The following TOM1L2 variants were observed in gnomAD, a reference collection of about 807,000 sequenced individuals.
TOM1L2 encodes TOM1-like protein 2.
In TOM1L2, 31 loss-of-function variants were observed where a neutral mutation model predicts 67.9. The observed-to-expected ratio is 0.46, with a 90% CI of 0.34 to 0.62. The LOEUF is 0.62. Ranked by LOEUF, TOM1L2 falls within the 20% of genes least tolerant of loss-of-function variation. TOM1L2 has a pLI of 0.01. For missense variants in TOM1L2, 606 were observed against 663.5 expected, an observed-to-expected ratio of 0.91 and a Z score of 0.95; for synonymous variants, 256 against 254.0, an observed-to-expected ratio of 1.01 and a Z score of -0.07.
chr17:17,912,209 C>T (rs2039393767), intron 1 of TOM1L2, among the ~76,000 whole-genome samples: 1 of 151,662 alleles, frequency 6.6e-6, no homozygotes, highest in South Asian at 2.1e-4. Context: ...CAGAGGGGCT[C>T]CTCACTTCCC....
intron 1 of TOM1L2, among the ~76,000 whole-genome samples, chr17:17,932,048 TACA>T (rs2040357798): frequency 6.6e-6 from 1 of 152,210 alleles, no homozygotes; most frequent in Admixed American, 6.5e-5. Context: ...GCTAATTTGG[TACA>T]ACATGAATAT....
intron 1 of TOM1L2, among the ~76,000 whole-genome samples, chr17:17,927,866 T>C (rs1012746672): frequency 6.6e-6 from 1 of 152,116 alleles, no homozygotes; most frequent in South Asian, 2.1e-4. Flanking sequence ...GGTTTCACTA[T>C]GTTACCCAGG....
intron 1 of TOM1L2, among the ~76,000 whole-genome samples, chr17:17,917,798 T>C (rs1048561067): frequency 2.6e-5 from 4 of 151,934 alleles, no homozygotes; most frequent in Non-Finnish European, 5.9e-5. Flanking sequence ...CTACAAAAAA[T>C]TTAAAAATTA....
In TOM1L2 at chr17:17,882,696, T is replaced by C. The variant is rs1445580957; in HGVS notation, c.660+9A>G. ...CTGGCTTGCCTATGGCCCCGAAGTATGCAAGTACCTGTTCTGAATTGGCTG... is the reference window on the plus strand; with the variant it reads ...CTGGCTTGCCTATGGCCCCGAAGTACGCAAGTACCTGTTCTGAATTGGCTG... On this transcript the variant is annotated intron_variant, in intron 6 of 14. Coordinates refer to ENST00000379504, the MANE Select transcript of TOM1L2 (RefSeq NM_001082968.2). The C allele has an allele frequency of 2.4e-5, 39 of 1,613,202 alleles. No homozygotes were observed. Among genetic ancestry groups the C allele is most frequent in the Non-Finnish European group, 3.1e-5 (36 of 1,179,354 alleles).
intron 14 of TOM1L2, 69 bp from the exon 15 acceptor site, chr17:17,847,852 A>G: frequency 6.2e-7 from 1 of 1,601,712 alleles, no homozygotes; most frequent in South Asian, 1.1e-5. Context: ...GCACCCTTCC[A>G]CTCCCCAGCC....
intron 1 of TOM1L2, among the ~76,000 whole-genome samples, chr17:17,959,295 G>A (rs2041593832): frequency 6.6e-6 from 1 of 152,114 alleles, no homozygotes; most frequent in South Asian, 2.1e-4. Context: ...CCAGCTCCAG[G>A]TAGTTAGTGT....
intron 1 of TOM1L2, among the ~76,000 whole-genome samples, chr17:17,950,331 G>T (rs1200260095): frequency 1.3e-5 from 2 of 151,732 alleles, no homozygotes; most frequent in African/African-American, 4.8e-5. Flanking sequence ...TCCTTTTTTT[G>T]AATTTTTAGT....
intron 7 of TOM1L2, among the ~76,000 whole-genome samples, chr17:17,870,974 C>T (rs1199612882): frequency 1.3e-5 from 2 of 152,238 alleles, no homozygotes; most frequent in African/African-American, 2.4e-5. Flanking sequence ...CCCGTCTAGA[C>T]TGAAGCTCCT....
chr17:17,963,770 T>C (rs1436677358), intron 1 of TOM1L2, among the ~76,000 whole-genome samples: 2 of 152,224 alleles, frequency 1.3e-5, no homozygotes, highest in African/African-American at 4.8e-5. Flanking sequence ...CCTCCAGCCT[T>C]ATTCAGAAGG....
rs770625527 is a variant in TOM1L2 at position 17,884,642 on chromosome 17, G to A, written c.493C>T (p.Pro165Ser). The A allele has an allele frequency of 3.1e-6, 5 of 1,613,988 alleles. No individual in the cohort carries two copies. The South Asian group carries it at 4.4e-5, about 14-fold the overall frequency. ...DLDALSPIHT[P>S]QRSVPEVDPA... is the part of the protein sequence containing the mutation. ...GCCAGCTGGAAGCTTACCCGCTGTG[G>A]TGTGTGTATGGGAGACAGAGCGTCC... The change falls in exon 5 of 15, where the codon CCA (proline) becomes TCA (serine). Residue 165 changes from proline to serine, a missense_variant. By Grantham distance (74) the Pro-to-Ser change is moderately conservative. Transcript: ENST00000379504.
intron 1 of TOM1L2, among the ~76,000 whole-genome samples, chr17:17,955,877 G>A (rs1429498387): frequency 6.6e-6 from 1 of 152,142 alleles, no homozygotes; most frequent in Non-Finnish European, 1.5e-5. Flanking sequence ...GAGTGAAGCT[G>A]CAGACCTTCG....
chr17:17,925,682 CAAAAAAAAA>C (rs1193121320), intron 1 of TOM1L2, among the ~76,000 whole-genome samples: 41 of 79,738 alleles, frequency 5.1e-4, no homozygotes, highest in African/African-American at 2.0e-4. Context: ...TCGTGTCTAC[CAAAAAAAAA>C]AAAAAAAAAA....
chr17:17,917,576 T>A (rs924615067), intron 1 of TOM1L2, among the ~76,000 whole-genome samples: 1 of 148,770 alleles, frequency 6.7e-6, no homozygotes, highest in South Asian at 2.2e-4. Flanking sequence ...TGGGAATACA[T>A]GTGCATGCCA....
At chr17:17,861,572 C>T (rs1278607470) in intron 11 of TOM1L2, 21 bp from the exon 12 acceptor site, 4 of 1,612,590 alleles carry the variant, frequency 2.5e-6, no homozygotes, top group Non-Finnish European at 3.4e-6. Context: ...AGAAGCAGCA[C>T]AAGCAGAGTT....
At chr17:17,859,305 C>A (rs1047487597) in intron 12 of TOM1L2, 3 of 146,492 alleles carry the variant, frequency 2.0e-5, no homozygotes, top group African/African-American at 7.6e-5. Context: ...GAACTTCCGA[C>A]CTCACGTGAT....
chr17:17,878,665 T>TCAG (rs964512520), intron 7 of TOM1L2, among the ~76,000 whole-genome samples: 2 of 152,162 alleles, frequency 1.3e-5, no homozygotes, highest in African/African-American at 4.8e-5. Flanking sequence ...AATGGCAGTA[T>TCAG]CAGCAGCAGC....
At chr17:17,869,203 T>C (rs1477767561) in intron 8 of TOM1L2, 137 bp downstream of exon 8, 7 of 1,484,610 alleles carry the variant, frequency 4.7e-6, no homozygotes, top group East Asian at 2.4e-5. Context: ...GGGAACAAAT[T>C]AGCATCTCTG....
chr17:17,875,243 G>A (rs772974977), intron 7 of TOM1L2, among the ~76,000 whole-genome samples: 7 of 148,660 alleles, frequency 4.7e-5, no homozygotes, highest in African/African-American at 9.9e-5. Flanking sequence ...GTGACAAAGC[G>A]AGACTCCTTC....
At chr17:17,932,049 A>G (rs1434925839) in intron 1 of TOM1L2, among the ~76,000 whole-genome samples, 1 of 152,210 alleles carries the variant, frequency 6.6e-6, no homozygotes, top group Non-Finnish European at 1.5e-5. Flanking sequence ...CTAATTTGGT[A>G]CAACATGAAT....
Sources: allele counts gnomAD v4.1 joint callset (sites outside exome capture counted in the v4.1 genomes callset), GRCh38; gene constraint gnomAD v4.1.1; transcripts MANE v1.5; gene names NCBI Gene and HGNC (gene_info 2026-07-23, HGNC 2026-07-21).